Variants in HS6ST2 observed in about 807,000 individuals in gnomAD.
HS6ST2 encodes the protein heparan-sulfate 6-O-sulfotransferase 2.
In HS6ST2, 17 loss-of-function variants were observed where a neutral mutation model predicts 33.0. The ratio of observed to expected loss-of-function variants is 0.52; its 90% CI spans 0.35 to 0.77. The LOEUF (loss-of-function observed/expected upper bound fraction) is 0.77. Ranked by LOEUF, HS6ST2 falls within the 30% of genes least tolerant of loss-of-function variation. The pLI is 0.01. For missense variants in HS6ST2, 519 were observed against 551.7 expected (o/e 0.94, Z 0.59); for synonymous variants, 248 against 237.1 (o/e 1.05, Z -0.42).
chrX:132,839,296 A>ACACATATGTATG (rs1372043146), intron 2 of HS6ST2, among the ~76,000 whole-genome samples: 4 of 37,841 alleles, frequency 1.1e-4, no homozygotes, highest in South Asian at 9.5e-4. Flanking sequence ...ATATATATAT[A>ACACATATGTATG]TATATATATA....
chrX:132,738,339 T>C (rs1274783936), intron 2 of HS6ST2, among the ~76,000 whole-genome samples: 1 of 112,535 alleles, frequency 8.9e-6, no homozygotes, highest in Non-Finnish European at 1.9e-5. Context: ...TTCCTGCCTG[T>C]TGCTTTCCCA....
chrX:132,811,441 CT>C (rs1458325233), intron 2 of HS6ST2, among the ~76,000 whole-genome samples: 1 of 107,975 alleles, frequency 9.3e-6, no homozygotes, highest in East Asian at 2.9e-4. Context: ...ATCTCCAGAA[CT>C]TTTTTCATCT....
chrX:132,872,176 C>T (rs1398662477), intron 2 of HS6ST2, among the ~76,000 whole-genome samples: 1 of 111,480 alleles, frequency 9.0e-6, no homozygotes, highest in Non-Finnish European at 1.9e-5. Context: ...ATCGGTTGTC[C>T]TTTATTGGTG....
chrX:132,842,746 T>A (rs1318562502), intron 2 of HS6ST2, among the ~76,000 whole-genome samples: 2 of 111,897 alleles, frequency 1.8e-5, no homozygotes, highest in Non-Finnish European at 3.8e-5. Context: ...TATTCCCATA[T>A]GAGGGGCCTG....
intron 2 of HS6ST2, among the ~76,000 whole-genome samples, chrX:132,717,944 G>A (rs778614835): frequency 1.4e-5 from 1 of 69,382 alleles, no homozygotes; most frequent in South Asian, 6.6e-4. Flanking sequence ...TCAAAACCAG[G>A]ACCAAAAAAA....
At chrX:132,795,292 A>G (rs751542389) in intron 2 of HS6ST2, among the ~76,000 whole-genome samples, 1 of 111,899 alleles carries the variant, frequency 8.9e-6, no homozygotes, top group African/African-American at 3.2e-5. Flanking sequence ...CTTCTATCAA[A>G]TGAGTGTAAT....
chrX:132,739,739 G>A (rs2064549972), intron 2 of HS6ST2, among the ~76,000 whole-genome samples: 1 of 108,135 alleles, frequency 9.2e-6, no homozygotes, highest in African/African-American at 3.4e-5. Flanking sequence ...AAGGTATATC[G>A]TACAAAGAGG....
chrX:132,704,171 A>G (rs932814385), intron 3 of HS6ST2, among the ~76,000 whole-genome samples: 1 of 112,484 alleles, frequency 8.9e-6, no homozygotes, highest in Non-Finnish European at 1.9e-5. Flanking sequence ...CCTGCTCATC[A>G]TTCAAGTTCA....
chrX:132,931,169 G>C (rs2066764672), intron 2 of HS6ST2, among the ~76,000 whole-genome samples: 1 of 111,578 alleles, frequency 9.0e-6, no homozygotes. Context: ...TGTAGCACTT[G>C]AGCCATGATC....
Position 132,957,124 on chromosome X carries a change from T to G in HS6ST2, c.631A>C (p.Thr211Pro), listed in dbSNP as rs2067086267. The G allele has an allele frequency of 8.3e-7, 1 of 1,210,301 alleles. No homozygotes were observed. Among genetic ancestry groups the G allele is most frequent in the Non-Finnish European group, 1.1e-6 (1 of 895,075 alleles). The change falls in exon 2 of 5, where the codon ACC (threonine) becomes CCC (proline). Residue 211 changes from threonine (T) to proline (P), a missense_variant. Transcript: ENST00000370833. ...ACCTTGCGCAGGAGGTCGCCGCGGG[T>G]GAAATTGTAGCGGGGCACGAACCTG... is the stretch of plus-strand genomic sequence containing the variant. ...SARFVPRYNF[T>P]RGDLLRKVDF...
intron 2 of HS6ST2, among the ~76,000 whole-genome samples, chrX:132,807,522 C>T (rs1025350813): frequency 9.0e-6 from 1 of 111,027 alleles, no homozygotes; most frequent in South Asian, 3.8e-4. Flanking sequence ...AGTGCCAGGG[C>T]TCATGCTTAT....
At chrX:132,775,044 C>T (rs984647528) in intron 2 of HS6ST2, among the ~76,000 whole-genome samples, 5 of 110,773 alleles carry the variant, frequency 4.5e-5, no homozygotes, top group Admixed American at 1.9e-4. Context: ...CCACTGCTGA[C>T]GACACTAAGT....
chrX:132,847,432 G>GA (rs973420285), intron 2 of HS6ST2, among the ~76,000 whole-genome samples: 2 of 111,250 alleles, frequency 1.8e-5, no homozygotes, highest in Non-Finnish European at 3.8e-5. Flanking sequence ...CGTTGTGGGG[G>GA]ATGACAGTAT....
At chrX:132,760,036 A>G (rs905975968) in intron 2 of HS6ST2, among the ~76,000 whole-genome samples, 1 of 111,829 alleles carries the variant, frequency 8.9e-6, no homozygotes, top group Non-Finnish European at 1.9e-5. Flanking sequence ...TCCAGAGTAC[A>G]TGCTCTTGAT....
intron 2 of HS6ST2, among the ~76,000 whole-genome samples, chrX:132,916,385 C>T (rs2066590951): frequency 8.9e-6 from 1 of 112,315 alleles, no homozygotes; most frequent in Non-Finnish European, 1.9e-5. Context: ...TACTGTTTAA[C>T]AGAAAACATT....
chrX:132,818,858 C>T (rs779206457), intron 2 of HS6ST2, among the ~76,000 whole-genome samples: 1 of 111,925 alleles, frequency 8.9e-6, no homozygotes, highest in African/African-American at 3.2e-5. Context: ...CACTGTCAGC[C>T]AACCCCCAGC....
rs185235497 is a variant in HS6ST2 at position 132,924,759 on chromosome X, G to C, written c.947+32049C>G. The stretch of plus-strand genomic sequence containing the variant: ...TCCCAGGACTTTGTGGGAGGCTGAG[G>C]TAGGCAGATCGCTTGAGCTCAGGAG... On this transcript the variant is annotated intron_variant, in intron 2 of 4. Coordinates refer to ENST00000370833, the MANE Select transcript of HS6ST2 (RefSeq NM_001394073.1). Among the ~76,000 whole-genome samples, 3 of 112,044 alleles carry C rather than the reference G, an allele frequency of 2.7e-5. No individual in the cohort carries two copies. The East Asian group carries it at 8.5e-4, about 32-fold the overall frequency.
At chrX:132,740,092 CTGAG>C (rs1233298980) in intron 2 of HS6ST2, among the ~76,000 whole-genome samples, 1 of 111,766 alleles carries the variant, frequency 8.9e-6, no homozygotes, top group East Asian at 2.8e-4. Flanking sequence ...TCCATAAAGG[CTGAG>C]TAATTTATGA....
At chrX:132,631,549 G>A (rs972707097) in intron 4 of HS6ST2, among the ~76,000 whole-genome samples, 3 of 109,663 alleles carry the variant, frequency 2.7e-5, no homozygotes, top group Admixed American at 9.7e-5. Context: ...CATACTTATT[G>A]AGCCTTTATG....
Sources: allele counts gnomAD v4.1 joint callset (sites outside exome capture counted in the v4.1 genomes callset), GRCh38; gene constraint gnomAD v4.1.1; transcripts MANE v1.5; gene names NCBI Gene and HGNC (gene_info 2026-07-23, HGNC 2026-07-21).